The following PDS5A variants were observed in gnomAD, a reference collection of about 807,000 sequenced individuals.
PDS5A encodes sister chromatid cohesion protein PDS5 homolog A.
A neutral mutation model predicts 167.1 loss-of-function variants in PDS5A; 42 were observed. The observed-to-expected ratio is 0.25, with a 90% CI of 0.20 to 0.33. PDS5A has a LOEUF of 0.33. PDS5A is among the 10% of genes least tolerant of loss of function. The pLI, the probability that PDS5A is intolerant of heterozygous loss-of-function variation, is 1.00. For missense variants in PDS5A, 1,033 were observed against 1,605.9 expected (o/e 0.64, Z 6.10); for synonymous variants, 553 against 554.6 (o/e 1.00, Z 0.04).
At position 39,878,553 on chromosome 4, in the gene PDS5A, T is replaced by C. The variant is rs1560448511; in HGVS notation, c.1992+1175A>G. On this transcript the variant is annotated intron_variant, in intron 18 of 32. Transcript: ENST00000303538. The stretch of plus-strand genomic sequence containing the variant: ...CGGAGCTTGCAGTGAGCCGAGATCA[T>C]GCCACTGCACTCCAGCCTGGGCAAC... Among the ~76,000 whole-genome samples the C allele has an allele frequency of 2.0e-5, 3 of 151,712 alleles. No individual in the cohort carries two copies. The South Asian group carries it at 6.3e-4, about 32-fold the overall frequency.
intron 2 of PDS5A, among the ~76,000 whole-genome samples, chr4:39,929,370 C>T (rs1725753229): frequency 6.6e-6 from 1 of 151,536 alleles, no homozygotes; most frequent in Admixed American, 6.6e-5. Flanking sequence ...GACTAGCCTC[C>T]CAGTCTACAT....
Position 39,962,254 on chromosome 4 carries a change from C to T in PDS5A, c.138+14186G>A, listed in dbSNP as rs560729188. On this transcript the variant is annotated intron_variant, in intron 2 of 32. Coordinates refer to ENST00000303538, the MANE Select transcript of PDS5A (RefSeq NM_001100399.2). ...TGTATTTTTAGTAGAGACGGGGTTT[C>T]ACTGTGTTAGCCAGGATGGTCTTGA... Among the ~76,000 whole-genome samples, 6 of 151,846 alleles carry T rather than the reference C, an allele frequency of 4.0e-5. No homozygotes were observed. The East Asian group carries it at 1.2e-3, about 30-fold the overall frequency.
At chr4:39,850,511 A>G (rs920094612) in intron 26 of PDS5A, among the ~76,000 whole-genome samples, 44 of 152,200 alleles carry the variant, frequency 2.9e-4, no homozygotes, top group African/African-American at 1.0e-3. Flanking sequence ...GTAAGTTTAC[A>G]TAATCTGATA....
chr4:39,914,823 T>C (rs1239366101), intron 8 of PDS5A, among the ~76,000 whole-genome samples: 1 of 152,130 alleles, frequency 6.6e-6, no homozygotes, highest in East Asian at 1.9e-4. Context: ...TCAAATATAA[T>C]ATGTGCCTAA....
intron 2 of PDS5A, among the ~76,000 whole-genome samples, chr4:39,943,393 A>C (rs1396722438): frequency 1.3e-5 from 2 of 152,134 alleles, no homozygotes; most frequent in African/African-American, 4.8e-5. Flanking sequence ...TAATAAGACA[A>C]GGTTATTATT....
At position 39,837,945 on chromosome 4, in the gene PDS5A, C is replaced by T. The variant is rs1191651643; in HGVS notation, c.3921G>A (p.Gly1307=). ...CTTTGGCATTACCTGCTTCCAAACC[C>T]CCAGGGCTCTCCTGACCCACTGCAG... ...KRAAVGQESP[G]GLEAGNAKAP... The change falls in exon 32 of 33, where the codon GGG becomes GGA. Residue 1307 remains glycine (G), a synonymous_variant. Transcript: ENST00000303538. The T allele has an allele frequency of 6.2e-7, 1 of 1,613,998 alleles. No individual in the cohort carries two copies. The highest frequency in any genetic ancestry group is 2.2e-5 in the East Asian group (1 of 44,890).
At chr4:39,880,441 T>C (rs1720833144) in intron 17 of PDS5A, among the ~76,000 whole-genome samples, 1 of 152,168 alleles carries the variant, frequency 6.6e-6, no homozygotes, top group African/African-American at 2.4e-5. Context: ...TCAGATGATG[T>C]AGCAACATGG....
At chr4:39,968,779 CT>C (rs369361620) in intron 2 of PDS5A, among the ~76,000 whole-genome samples, 4,038 of 143,832 alleles carry the variant, frequency 0.028, 175 homozygotes, top group African/African-American at 0.096. Context: ...TATGCTTTTA[CT>C]TTTTTTTTTT....
chr4:39,861,213 C>T (rs962401051), intron 26 of PDS5A, among the ~76,000 whole-genome samples: 2 of 151,924 alleles, frequency 1.3e-5, no homozygotes, highest in African/African-American at 2.4e-5. Context: ...GTAATCCCAG[C>T]ACTTGGGGAG....
chr4:39,915,930 G>A (rs1724333904), intron 8 of PDS5A, among the ~76,000 whole-genome samples: 1 of 152,118 alleles, frequency 6.6e-6, no homozygotes, highest in South Asian at 2.1e-4. Flanking sequence ...TCTGCTATTT[G>A]TAAAAGTCAA....
In PDS5A at chr4:39,925,855, T is replaced by C; in HGVS notation, c.508A>G (p.Thr170Ala). 6.9e-7 allele frequency: 1 copy of C among 1,455,538 alleles called. No individual in the cohort carries two copies. The highest frequency in any genetic ancestry group is 9.5e-7 in the Non-Finnish European group (1 of 1,056,108). The allele number at this position is 1,455,538 out of a possible 1,614,324, so 90.2% of individuals were successfully genotyped here. Reference sequence around the variant, plus strand: ...ACTTACTTGATCACTGAGAAGAGAGTTCTAAAAAGCTGAATAAAAATTTCA... The same window carrying C: ...ACTTACTTGATCACTGAGAAGAGAGCTCTAAAAAGCTGAATAAAAATTTCA... ...CNEIFIQLFR[T>A]LFSVINNSHN... Residue 170 changes from threonine to alanine, a missense_variant, in exon 5 of 33, where the codon ACT becomes GCT. Transcript: ENST00000303538.
intron 2 of PDS5A, among the ~76,000 whole-genome samples, chr4:39,957,835 C>T (rs79602969): frequency 0.024 from 3,573 of 150,276 alleles, 140 homozygotes; most frequent in East Asian, 0.17. Flanking sequence ...AACAAAGATG[C>T]TATGTGATCT....
At chr4:39,882,367 G>C (rs1455240561) in intron 17 of PDS5A, among the ~76,000 whole-genome samples, 1 of 152,120 alleles carries the variant, frequency 6.6e-6, no homozygotes, top group Non-Finnish European at 1.5e-5. Flanking sequence ...CTCCCAGTCT[G>C]TGGCTATTAT....
intron 17 of PDS5A, among the ~76,000 whole-genome samples, chr4:39,881,951 A>G (rs1464992997): frequency 1.3e-5 from 2 of 152,264 alleles, no homozygotes; most frequent in East Asian, 3.9e-4. Context: ...ATGGTTTTAT[A>G]AAGGGGAGTT....
intron 9 of PDS5A, 104 bp from the exon 10 acceptor site, chr4:39,910,442 A>G: frequency 1.6e-6 from 1 of 626,056 alleles, no homozygotes. Context: ...ATAGTTACTG[A>G]TTAGAAAATT....
chr4:39,867,732 A>AC (rs1284473371), intron 22 of PDS5A, among the ~76,000 whole-genome samples: 3 of 57,184 alleles, frequency 5.2e-5, no homozygotes, highest in Non-Finnish European at 7.2e-5. Context: ...AAAAAAACCA[A>AC]AACACACACA....
chr4:39,831,334 C>T (rs1306521972), intron 32 of PDS5A, among the ~76,000 whole-genome samples: 1 of 151,674 alleles, frequency 6.6e-6, no homozygotes, highest in Admixed American at 6.6e-5. Context: ...CTCCTGACCT[C>T]GTGATCTGCC....
chr4:39,830,243 A>C (rs1715734413), intron 32 of PDS5A, among the ~76,000 whole-genome samples: 1 of 152,114 alleles, frequency 6.6e-6, no homozygotes, highest in Admixed American at 6.6e-5. Context: ...AGGCTGGAGT[A>C]CAGTGGCACT....
chr4:39,973,200 T>C (rs990794831), intron 2 of PDS5A: 11 of 1,246,634 alleles, frequency 8.8e-6, no homozygotes, highest in East Asian at 2.3e-5. Context: ...GGGCTTGTAA[T>C]ATAGCTAGCT....
Sources: allele counts gnomAD v4.1 joint callset (sites outside exome capture counted in the v4.1 genomes callset), GRCh38; gene constraint gnomAD v4.1.1; transcripts MANE v1.5; gene names NCBI Gene and HGNC (gene_info 2026-07-23, HGNC 2026-07-21).